STRN3: variants seen among roughly 807,000 people sequenced by gnomAD.
STRN3 encodes the protein striatin-3.
Under a neutral mutation model 95.6 loss-of-function variants are expected in STRN3, and 29 were observed. The observed-to-expected ratio is 0.30, with a 90% CI of 0.23 to 0.41. The LOEUF is 0.41. Among genes scored for constraint, STRN3 ranks in the 10% least tolerant of loss-of-function variants. The pLI is 1.00. For missense variants in STRN3, 890 were observed against 972.1 expected, an observed-to-expected ratio of 0.92 and a Z score of 1.12; for synonymous variants, 331 against 357.6, an observed-to-expected ratio of 0.93 and a Z score of 0.84.
intron 1 of STRN3, among the ~76,000 whole-genome samples, chr14:31,007,359 CT>C (rs1882766250): frequency 3.3e-5 from 5 of 152,114 alleles, no homozygotes; most frequent in African/African-American, 1.2e-4. Context: ...GCTTGGGAGT[CT>C]TTAATTTAAA....
intron 1 of STRN3, among the ~76,000 whole-genome samples, chr14:31,021,686 G>C (rs139216942): frequency 1.1e-4 from 17 of 152,196 alleles, no homozygotes; most frequent in African/African-American, 4.1e-4. Flanking sequence ...GGAAGCAAAA[G>C]AAAACAGTTT....
At chr14:30,966,473 C>T (rs1004772895) in intron 1 of STRN3, among the ~76,000 whole-genome samples, 1 of 152,168 alleles carries the variant, frequency 6.6e-6, no homozygotes, top group Non-Finnish European at 1.5e-5. Context: ...GCACCCTGCC[C>T]TATTGTGGCA....
intron 1 of STRN3, among the ~76,000 whole-genome samples, chr14:30,969,929 C>T (rs12894197): frequency 0.028 from 4,327 of 152,230 alleles, 124 homozygotes; most frequent in Non-Finnish European, 0.04. Context: ...CTGCTAACCA[C>T]CAAGACTGCT....
intron 7 of STRN3, among the ~76,000 whole-genome samples, chr14:30,929,692 C>T (rs948330507): frequency 3.3e-5 from 5 of 151,890 alleles, no homozygotes; most frequent in Non-Finnish European, 7.4e-5. Flanking sequence ...TACATGCGAA[C>T]TACTCGGAAA....
intron 15 of STRN3, among the ~76,000 whole-genome samples, chr14:30,904,372 C>T (rs1896405574): frequency 6.6e-6 from 1 of 152,142 alleles, no homozygotes; most frequent in Non-Finnish European, 1.5e-5. Flanking sequence ...TGCAATGGAT[C>T]AAAACACATC....
intron 8 of STRN3, 140 bp downstream of exon 8, chr14:30,929,061 A>T: frequency 1.7e-6 from 1 of 584,332 alleles, no homozygotes; most frequent in Non-Finnish European, 2.9e-6. Context: ...AACAAATTTC[A>T]ATTATACAAC....
At chr14:30,971,560 G>A (rs1211769699) in intron 1 of STRN3, among the ~76,000 whole-genome samples, 1 of 152,200 alleles carries the variant, frequency 6.6e-6, no homozygotes, top group Admixed American at 6.5e-5. Context: ...GGGGCAATCA[G>A]CTAGATGGCT....
chr14:30,936,601 G>T lies in STRN3; in HGVS notation c.740C>A (p.Thr247Lys), dbSNP rs766973734. Residue 247 changes from threonine to lysine, a missense_variant, in exon 6 of 18, where the codon ACG becomes AAG. Thr to Lys is a moderately conservative substitution (Grantham distance 78, BLOSUM62 -1). Around this residue, in one of 3 missense-constraint regions of STRN3, gnomAD observed 526 missense variants for 526.3 expected, o/e 1.00. Coordinates refer to ENST00000357479, the MANE Select transcript of STRN3 (RefSeq NM_001083893.2). ...IKRSSGDVLE[T>K]FNFLENADDS... is the part of the protein sequence containing the mutation. ...ATCGGCATTTTCTAAGAAATTGAACGTCTCAAGAACATCACCAGAGGACCT... is the reference window on the plus strand; with the variant it reads ...ATCGGCATTTTCTAAGAAATTGAACTTCTCAAGAACATCACCAGAGGACCT... The T allele has an allele frequency of 5.0e-6, 8 of 1,613,316 alleles. No homozygotes were observed. Among genetic ancestry groups the T allele is most frequent in the African/African-American group, 1.3e-5 (1 of 74,824 alleles).
At chr14:31,007,959 G>C (rs1566489415) in intron 1 of STRN3, among the ~76,000 whole-genome samples, 1 of 152,158 alleles carries the variant, frequency 6.6e-6, no homozygotes, top group African/African-American at 2.4e-5. Context: ...TTGGGAGGCT[G>C]AGGCAGGCGG....
intron 7 of STRN3, among the ~76,000 whole-genome samples, chr14:30,933,280 T>TAAAAAAAAA (rs35736582): frequency 4.4e-5 from 1 of 22,776 alleles, no homozygotes; most frequent in African/African-American, 1.5e-4. Flanking sequence ...CCCTGTTTCA[T>TAAAAAAAAA]AAAAAAAAAA....
rs1880407196 is a variant in STRN3, at chr14:30,964,944, GA to G, written c.283-8703del. 3.9e-5 allele frequency among the ~76,000 whole-genome samples: 6 copies of G among 151,918 alleles called. No individual in the cohort carries two copies. In the South Asian group the frequency reaches 1.2e-3, roughly 32 times the overall value. On this transcript the variant is annotated intron_variant, in intron 1 of 17. Coordinates refer to ENST00000357479, the MANE Select transcript of STRN3 (RefSeq NM_001083893.2). ...TCAAAAAAAAAAAGAAAAAAAAAGA[GA>G]GTCTTGGTCTTGGTGCTGTCTTGGT... is the stretch of plus-strand genomic sequence containing the variant.
intron 7 of STRN3, among the ~76,000 whole-genome samples, chr14:30,931,408 A>G (rs1878531085): frequency 6.6e-6 from 1 of 152,196 alleles, no homozygotes; most frequent in Non-Finnish European, 1.5e-5. Context: ...AAACACAAAT[A>G]TGCGTAAGAA....
In STRN3 at chr14:31,026,194, G is replaced by T; in HGVS notation, c.-9C>A. 7.0e-7 allele frequency: 1 copy of T among 1,425,122 alleles called. No homozygotes were observed. Among genetic ancestry groups the T allele is most frequent in the Non-Finnish European group, 9.1e-7 (1 of 1,100,030 alleles). The allele number at this position is 1,425,122 out of a possible 1,614,324, so 88.3% of individuals were successfully genotyped here. A position where few individuals can be genotyped will look rare whatever the true frequency, so the allele number is the denominator to read the frequency against. ...CCGGCAAGCTCGTCCATTGTGTGTG[G>T]GGCCCCGGCCGGGGCGCAGGGCGAG... On this transcript the variant is annotated 5_prime_UTR_variant, in exon 1 of 18. Transcript: ENST00000357479.
At chr14:30,960,737 C>T (rs953560197) in intron 1 of STRN3, among the ~76,000 whole-genome samples, 1 of 151,698 alleles carries the variant, frequency 6.6e-6, no homozygotes, top group Non-Finnish European at 1.5e-5. Context: ...GGCGTGGTGG[C>T]GGGCGCCTGT....
At chr14:30,960,904 A>G (rs1332351178) in intron 1 of STRN3, among the ~76,000 whole-genome samples, 1 of 151,604 alleles carries the variant, frequency 6.6e-6, no homozygotes, top group Non-Finnish European at 1.5e-5. Context: ...AAAGAAAAGA[A>G]AAAAAGAAAA....
intron 1 of STRN3, among the ~76,000 whole-genome samples, chr14:30,979,866 C>CT (rs1045844809): frequency 2.6e-5 from 4 of 151,976 alleles, no homozygotes; most frequent in African/African-American, 7.3e-5. Context: ...TCCCAAAGTG[C>CT]TGGGATTACA....
chr14:31,021,603 T>A (rs1262177957), intron 1 of STRN3, among the ~76,000 whole-genome samples: 2 of 152,040 alleles, frequency 1.3e-5, no homozygotes, highest in African/African-American at 4.8e-5. Context: ...GAACCCCACA[T>A]AATAACAACT....
intron 8 of STRN3, among the ~76,000 whole-genome samples, chr14:30,921,440 T>C (rs1896883075): frequency 6.6e-6 from 1 of 152,158 alleles, no homozygotes; most frequent in African/African-American, 2.4e-5. Flanking sequence ...ATAATATTAT[T>C]TACATACTAT....
At chr14:31,008,353 C>A (rs1384091905) in intron 1 of STRN3, among the ~76,000 whole-genome samples, 1 of 150,874 alleles carries the variant, frequency 6.6e-6, no homozygotes, top group Non-Finnish European at 1.5e-5. Context: ...TATAAAAATA[C>A]AAAAACTAGC....
Sources: allele counts gnomAD v4.1 joint callset (sites outside exome capture counted in the v4.1 genomes callset), GRCh38; gene constraint gnomAD v4.1.1; regional missense constraint gnomAD v4.1.1; transcripts MANE v1.5; gene names NCBI Gene and HGNC (gene_info 2026-07-23, HGNC 2026-07-21).